ATG4B: variants seen among roughly 807,000 people sequenced by gnomAD.
ATG4B encodes the protein cysteine protease ATG4B.
Under a neutral mutation model 56.6 loss-of-function variants are expected in ATG4B, and 29 were observed. The ratio of observed to expected loss-of-function variants is 0.51; its 90% CI spans 0.38 to 0.70. ATG4B has a LOEUF of 0.70. Ranked by LOEUF, ATG4B falls within the 30% of genes least tolerant of loss-of-function variation. The pLI, the probability that ATG4B is intolerant of heterozygous loss-of-function variation, is 0.00. For missense variants in ATG4B, 461 were observed against 515.5 expected (o/e 0.89, Z 1.02); for synonymous variants, 224 against 206.1 (o/e 1.09, Z -0.74).
intron 7 of ATG4B, 185 bp downstream of exon 7, chr2:241,659,372 C>CAT (rs2068519871): frequency 1.5e-6 from 1 of 676,734 alleles, no homozygotes; most frequent in African/African-American, 1.8e-5. Flanking sequence ...TCCCGGCGGT[C>CAT]ATACCAAGAG....
In ATG4B at chr2:241,666,143, C is replaced by G. The variant is rs183236987; in HGVS notation, c.539-502C>G. Among the ~76,000 whole-genome samples the G allele has an allele frequency of 5.5e-3, 839 of 152,360 alleles. 4 individuals carry two copies. Among genetic ancestry groups the G allele is most frequent in the Non-Finnish European group, 7.8e-3 (532 of 68,048 alleles). ...GGGAGTGGTGTTGAGAAACCTCGAT[C>G]TAGACGCCGGGCATGCTCCATGCTC... On this transcript the variant is annotated intron_variant, in intron 7 of 12. Coordinates refer to ENST00000404914, the MANE Select transcript of ATG4B (RefSeq NM_013325.5).
rs2068968352 is a variant in ATG4B, at chr2:241,671,475, C to T, written c.1108+70C>T. 4 of 1,580,514 alleles carry T rather than the reference C, an allele frequency of 2.5e-6. No individual in the cohort carries two copies. In the East Asian group the frequency reaches 7.0e-5, roughly 28 times the overall value. On this transcript the variant is annotated intron_variant, in intron 12 of 12. Coordinates refer to ENST00000404914, the MANE Select transcript of ATG4B (RefSeq NM_013325.5). ...TGTGCCCTTGCTTCCCCAGTCCTGGCCCCCTTGGTTTTGACCATTAAGGTG... is the reference window on the plus strand; with the variant it reads ...TGTGCCCTTGCTTCCCCAGTCCTGGTCCCCTTGGTTTTGACCATTAAGGTG...
At chr2:241,642,539 G>C (rs2067923423) in intron 1 of ATG4B, among the ~76,000 whole-genome samples, 1 of 146,104 alleles carries the variant, frequency 6.8e-6, no homozygotes, top group Admixed American at 7.0e-5. Context: ...TCGAAATGAA[G>C]TGGTTTACAG....
At chr2:241,671,814 C>T in intron 12 of ATG4B, 1 of 1,276,536 alleles carries the variant, frequency 7.8e-7, no homozygotes, top group South Asian at 1.6e-5. Flanking sequence ...CCGGCCTGGG[C>T]TCGTGCAGTG....
intron 1 of ATG4B, among the ~76,000 whole-genome samples, chr2:241,643,607 T>C (rs1226126658): frequency 2.7e-5 from 4 of 149,468 alleles, no homozygotes; most frequent in South Asian, 2.1e-4. Flanking sequence ...TATAAACATA[T>C]ATATACGTAT....
At chr2:241,643,755 G>T (rs954437889) in intron 1 of ATG4B, among the ~76,000 whole-genome samples, 3 of 148,292 alleles carry the variant, frequency 2.0e-5, no homozygotes, top group Non-Finnish European at 1.5e-5. Flanking sequence ...CTGCAACGGG[G>T]TTTTGCCATG....
intron 1 of ATG4B, among the ~76,000 whole-genome samples, chr2:241,643,136 C>T (rs1275635153): frequency 4.6e-5 from 7 of 151,728 alleles, no homozygotes; most frequent in South Asian, 2.1e-4. Flanking sequence ...CTGCCCGCCT[C>T]GGCCTCCCAA....
chr2:241,647,879 C>T (rs545583162), intron 1 of ATG4B, among the ~76,000 whole-genome samples: 10 of 151,516 alleles, frequency 6.6e-5, no homozygotes, highest in Admixed American at 5.3e-4. Context: ...TTTGGGAGGC[C>T]GAGGTGGGTG....
intron 7 of ATG4B, among the ~76,000 whole-genome samples, chr2:241,664,339 C>T (rs1026576548): frequency 6.6e-6 from 1 of 151,780 alleles, no homozygotes; most frequent in Admixed American, 6.6e-5. Context: ...GACCAGCCGC[C>T]TAGGTAACAT....
intron 3 of ATG4B, chr2:241,652,084 A>G (rs908707533): frequency 7.2e-6 from 5 of 689,936 alleles, no homozygotes; most frequent in South Asian, 1.6e-5. Flanking sequence ...TCAAATAGCC[A>G]CAACGGCTGG....
chr2:241,648,078 C>G (rs1262848166), intron 1 of ATG4B, among the ~76,000 whole-genome samples: 1 of 152,004 alleles, frequency 6.6e-6, no homozygotes, highest in Non-Finnish European at 1.5e-5. Context: ...CATGCCACTG[C>G]ACTTCAGCCT....
At chr2:241,644,550 A>G (rs1375378847) in intron 1 of ATG4B, among the ~76,000 whole-genome samples, 4 of 152,186 alleles carry the variant, frequency 2.6e-5, no homozygotes, top group Non-Finnish European at 5.9e-5. Context: ...CCAGGCTCTC[A>G]GACTCCAGAA....
chr2:241,644,708 C>G (rs552085735), intron 1 of ATG4B, among the ~76,000 whole-genome samples: 1 of 152,052 alleles, frequency 6.6e-6, no homozygotes, highest in Non-Finnish European at 1.5e-5. Flanking sequence ...CCAGCACTTT[C>G]GGAAGCTGAT....
At position 241,672,643 on chromosome 2, in the gene ATG4B, A is replaced by C; in HGVS notation, c.*379A>C. On this transcript the variant is annotated 3_prime_UTR_variant, in exon 13 of 13. Coordinates refer to ENST00000404914, the MANE Select transcript of ATG4B (RefSeq NM_013325.5). ...TTGAAGTTGTCAGACACAGACATGA[A>C]TTTCTGGGCGCTCCCTGAGTCAGAG... The C allele has an allele frequency of 4.7e-6, 1 of 213,512 alleles. No homozygotes were observed. Among genetic ancestry groups the C allele is most frequent in the Non-Finnish European group, 9.1e-6 (1 of 109,332 alleles). The allele number at this position is 213,512 out of a possible 1,614,324, so 13.2% of individuals were successfully genotyped here.
intron 7 of ATG4B, among the ~76,000 whole-genome samples, chr2:241,661,910 C>T (rs531264490): frequency 6.6e-6 from 1 of 152,266 alleles, no homozygotes; most frequent in East Asian, 1.9e-4. Context: ...GATTGGAAAA[C>T]GTGTCAGTCT....
Position 241,666,985 on chromosome 2 carries a change from A to G in ATG4B, c.732+147A>G, listed in dbSNP as rs1240198359. 3.3e-5 allele frequency: 31 copies of G among 938,246 alleles called. 1 individual carries two copies. The highest frequency in any genetic ancestry group is 1.6e-6 in the Non-Finnish European group (1 of 636,760). The allele number at this position is 938,246 out of a possible 1,614,324, so 58.1% of individuals were successfully genotyped here. On this transcript the variant is annotated intron_variant, in intron 8 of 12. Transcript: ENST00000404914. ...CAACCCTGGTTTACACCGTTGCCCAAGGGGTGAGTGGGCGTGAGGCACGTC... is the reference window on the plus strand; with the variant it reads ...CAACCCTGGTTTACACCGTTGCCCAGGGGGTGAGTGGGCGTGAGGCACGTC...
intron 1 of ATG4B, 23 bp downstream of exon 1, chr2:241,637,747 T>G: frequency 3.2e-6 from 5 of 1,570,924 alleles, no homozygotes; most frequent in Non-Finnish European, 4.3e-6. Context: ...CGGGGGTCGG[T>G]CTTTCCGCAG....
At chr2:241,664,150 T>A (rs1575083830) in intron 7 of ATG4B, among the ~76,000 whole-genome samples, 1 of 152,220 alleles carries the variant, frequency 6.6e-6, no homozygotes, top group Admixed American at 6.5e-5. Flanking sequence ...AAATAAATTT[T>A]AAAATTAAAT....
At chr2:241,665,243 A>G (rs902840556) in intron 7 of ATG4B, among the ~76,000 whole-genome samples, 1 of 152,232 alleles carries the variant, frequency 6.6e-6, no homozygotes, top group African/African-American at 2.4e-5. Context: ...AGATCCACCA[A>G]TTGTGTTTTG....
Sources: gnomAD v4.1 joint callset for allele counts (sites outside exome capture counted in the v4.1 genomes callset) on GRCh38, gnomAD v4.1.1 for gene constraint, MANE v1.5 for transcripts, NCBI Gene and HGNC (gene_info 2026-07-23, HGNC 2026-07-21) for gene names.